TNRC18: variants seen among roughly 807,000 people sequenced by gnomAD.
The protein encoded by TNRC18 is trinucleotide repeat containing 18.
A neutral mutation model predicts 226.7 loss-of-function variants in TNRC18; 69 were observed. The ratio of observed to expected loss-of-function variants is 0.30; its 90% CI spans 0.25 to 0.37. The LOEUF (loss-of-function observed/expected upper bound fraction) is 0.37, where lower values mean the gene tolerates loss of function less well. TNRC18 is among the 10% of genes least tolerant of loss of function. The pLI is 1.00. For missense variants in TNRC18, 4,754 were observed against 4,256.6 expected (o/e 1.12, Z -3.25); for synonymous variants, 2,449 against 1,927.6 (o/e 1.27, Z -7.09).
In TNRC18 at chr7:5,324,871, T is replaced by G. The variant is rs1402294289; in HGVS notation, c.6300+225A>C. On this transcript the variant is annotated intron_variant, in intron 20 of 29. Coordinates refer to ENST00000430969, the MANE Select transcript of TNRC18 (RefSeq NM_001080495.3). The surrounding 1 kb of genome is among the most constrained non-coding windows in gnomAD (Gnocchi z 4.8). ...CTCCTGGTCTCTGTTCCAGTGTCCC[T>G]CGCCCCCGCTAGAGCAGACATTTCC... is the stretch of plus-strand genomic sequence containing the variant. Among the ~76,000 whole-genome samples, 3 of 152,140 alleles carry G rather than the reference T, an allele frequency of 2.0e-5. No individual in the cohort carries two copies. Among genetic ancestry groups the G allele is most frequent in the Admixed American group, 6.5e-5 (1 of 15,272 alleles).
chr7:5,375,370 C>T (rs904991388), intron 9 of TNRC18, among the ~76,000 whole-genome samples: 13 of 152,182 alleles, frequency 8.5e-5, no homozygotes, highest in South Asian at 2.1e-4. Context: ...AAGGACAGGC[C>T]GCTCTCCCGA....
At chr7:5,347,090 C>T (rs10258579) in intron 17 of TNRC18, among the ~76,000 whole-genome samples, 69,401 of 151,782 alleles carry the variant, frequency 0.46, 16,450 homozygotes, top group East Asian at 0.69. Context: ...CTCCTGTAAT[C>T]CCAGCCCTCT....
Position 5,421,369 on chromosome 7 carries a change from T to A in TNRC18, c.-123A>T. On this transcript the variant is annotated 5_prime_UTR_variant, in exon 2 of 30. The change abolishes an upstream ATG in the 5' untranslated region. Transcript: ENST00000430969. Reference sequence around the variant, plus strand: ...GGCGGCGGGGGCTCCGCGGCGTGCATGGCGGCGGCCAGCGGGGCTTGCGCT... The same window carrying A: ...GGCGGCGGGGGCTCCGCGGCGTGCAAGGCGGCGGCCAGCGGGGCTTGCGCT... 1 of 955,116 alleles carries A rather than the reference T, an allele frequency of 1.0e-6. No homozygotes were observed. Among genetic ancestry groups the A allele is most frequent in the Non-Finnish European group, 1.3e-6 (1 of 748,206 alleles). 59.2% of individuals were successfully genotyped at this position (955,116 alleles called of 1,614,324 possible). A position where few individuals can be genotyped will look rare whatever the true frequency, so the allele number is the denominator to read the frequency against.
chr7:5,410,860 CA>C (rs34320785), intron 2 of TNRC18, among the ~76,000 whole-genome samples: 1,923 of 37,154 alleles, frequency 0.052, 4 homozygotes, highest in African/African-American at 0.087. Context: ...GACTCCATCT[CA>C]AAAAAAAAAA....
chr7:5,395,182 G>A (rs1207491610), intron 2 of TNRC18, among the ~76,000 whole-genome samples: 2 of 152,198 alleles, frequency 1.3e-5, no homozygotes, highest in Non-Finnish European at 2.9e-5. Context: ...CAGAAAGCAG[G>A]GACTCAGAAT....
Position 5,308,229 on chromosome 7 carries a change from C to T in TNRC18, c.8784G>A (p.Gln2928=), listed in dbSNP as rs202187831. Residue 2928 remains glutamine, a synonymous_variant, in exon 30 of 30, where the codon CAG becomes CAA. Coordinates refer to ENST00000430969, the MANE Select transcript of TNRC18 (RefSeq NM_001080495.3). ...SHKCLVVGLE[Q]YEQMLKTKKY... ...TCTTGGTCTTCAGCATCTGCTCATA[C>T]TGCTCCAGGCCCACCACCAGGCACT... The T allele has an allele frequency of 2.0e-5, 33 of 1,612,530 alleles. No individual in the cohort carries two copies. The highest frequency in any genetic ancestry group is 1.8e-4 in the South Asian group (16 of 90,792).
intron 11 of TNRC18, among the ~76,000 whole-genome samples, chr7:5,368,810 T>C (rs887153145): frequency 6.6e-6 from 1 of 152,116 alleles, no homozygotes; most frequent in Non-Finnish European, 1.5e-5. Flanking sequence ...AGGGATATCA[T>C]CTCTTCAACG....
chr7:5,319,593 C>G (rs1788152257), intron 24 of TNRC18, among the ~76,000 whole-genome samples: 1 of 152,186 alleles, frequency 6.6e-6, no homozygotes, highest in Non-Finnish European at 1.5e-5. Flanking sequence ...ACTGCAACCT[C>G]CACTTCCCAG....
At chr7:5,357,691 G>A (rs1329641587) in intron 15 of TNRC18, among the ~76,000 whole-genome samples, 1 of 152,108 alleles carries the variant, frequency 6.6e-6, no homozygotes, top group Non-Finnish European at 1.5e-5. Flanking sequence ...GTTTCATCAT[G>A]TTGCCCAGGC....
intron 2 of TNRC18, among the ~76,000 whole-genome samples, chr7:5,408,896 C>A (rs564201251): frequency 6.6e-6 from 1 of 152,274 alleles, no homozygotes. Flanking sequence ...AAAGATGGAA[C>A]CACTGAGGGT....
chr7:5,345,642 G>A lies in TNRC18; in HGVS notation c.5639C>T (p.Thr1880Met), dbSNP rs781383169. The change falls in exon 18 of 30, where the codon ACG (threonine) becomes ATG (methionine). Residue 1880 changes from threonine (T) to methionine (M), a missense_variant. Transcript: ENST00000430969. ...TACCACAGACAGGGATGGACCCACC[G>A]TGGGGCTGGGGAGGGCGCTGGCGGC... Reference protein sequence around the residue: ...RFAASALPSPTVGPSLSVVQL... With the variant: ...RFAASALPSPMVGPSLSVVQL... 40 of 1,556,826 alleles carry A rather than the reference G, an allele frequency of 2.6e-5. No homozygotes were observed. Among genetic ancestry groups the A allele is most frequent in the African/African-American group, 2.0e-4 (15 of 73,248 alleles).
intron 18 of TNRC18, among the ~76,000 whole-genome samples, chr7:5,339,719 G>A (rs1335149400): frequency 2.6e-5 from 4 of 151,616 alleles, no homozygotes; most frequent in Non-Finnish European, 4.4e-5. Context: ...ACAGGCGCCC[G>A]CCACCACATC....
intron 17 of TNRC18, 119 bp from the exon 18 acceptor site, chr7:5,345,929 G>A (rs1433253400): frequency 2.9e-6 from 4 of 1,364,662 alleles, no homozygotes; most frequent in East Asian, 2.5e-5. Context: ...TCCTGAGCAG[G>A]GGGCCGCTGG....
chr7:5,351,846 C>A lies in TNRC18; in HGVS notation c.5443G>T (p.Asp1815Tyr). Reference sequence around the variant, plus strand: ...TGGTCAAACGATTCCTCCGAAGAGTCGCTGAAGGAGGAACGCGCCTCGGCC... The same window carrying A: ...TGGTCAAACGATTCCTCCGAAGAGTAGCTGAAGGAGGAACGCGCCTCGGCC... ...REAEARSSFS[D>Y]SSEESFDQDE... The change falls in exon 17 of 30, where the codon GAC becomes TAC. Residue 1815 changes from aspartate to tyrosine, a missense_variant. Coordinates refer to ENST00000430969, the MANE Select transcript of TNRC18 (RefSeq NM_001080495.3). 1 of 1,603,720 alleles carries A rather than the reference C, an allele frequency of 6.2e-7. No individual in the cohort carries two copies. Among genetic ancestry groups the A allele is most frequent in the Non-Finnish European group, 8.5e-7 (1 of 1,175,836 alleles).
chr7:5,362,898 C>G, intron 11 of TNRC18, 73 bp from the exon 12 acceptor site: 1 of 1,415,152 alleles, frequency 7.1e-7, no homozygotes, highest in Non-Finnish European at 9.3e-7. Flanking sequence ...TGCCGAGGCC[C>G]AAAGCAAGCG....
At chr7:5,347,696 C>T (rs1791348706) in intron 17 of TNRC18, among the ~76,000 whole-genome samples, 1 of 151,052 alleles carries the variant, frequency 6.6e-6, no homozygotes, top group Admixed American at 6.6e-5. Flanking sequence ...GTGGCTCACG[C>T]CTGTAATCCC....
At chr7:5,317,841 G>A (rs1000539059) in intron 24 of TNRC18, among the ~76,000 whole-genome samples, 8 of 151,770 alleles carry the variant, frequency 5.3e-5, no homozygotes, top group African/African-American at 1.9e-4. Flanking sequence ...AAGTAGCTAG[G>A]ACAACAGGTG....
Position 5,371,237 on chromosome 7 carries a change from A to G in TNRC18, c.3357T>C (p.Asp1119=). ...GLAPDVPLPA[D]GPERLALSPE... is the part of the protein sequence containing the mutation. Reference sequence around the variant, plus strand: ...GTGAGAGTGCCAGGCGCTCGGGCCCATCAGCCGGGAGCGGCACATCAGGGG... The same window carrying G: ...GTGAGAGTGCCAGGCGCTCGGGCCCGTCAGCCGGGAGCGGCACATCAGGGG... Residue 1119 remains aspartate (D), a synonymous_variant, in exon 11 of 30, where the codon GAT becomes GAC. Transcript: ENST00000430969. 1.2e-6 allele frequency: 2 copies of G among 1,604,802 alleles called. No individual in the cohort carries two copies. Among genetic ancestry groups the G allele is most frequent in the Non-Finnish European group, 1.7e-6 (2 of 1,174,792 alleles).
In TNRC18 at chr7:5,324,467, T is replaced by C. The variant is rs1562493254; in HGVS notation, c.6301-112A>G. 1 of 1,417,764 alleles carries C rather than the reference T, an allele frequency of 7.1e-7. No individual in the cohort carries two copies. The highest frequency in any genetic ancestry group is 1.4e-5 in the African/African-American group (1 of 70,988). 87.8% of individuals were successfully genotyped at this position (1,417,764 alleles called of 1,614,324 possible). A position where few individuals can be genotyped will look rare whatever the true frequency, so the allele number is the denominator to read the frequency against. On this transcript the variant is annotated intron_variant, in intron 20 of 29. Coordinates refer to ENST00000430969, the MANE Select transcript of TNRC18 (RefSeq NM_001080495.3). The surrounding 1 kb of genome is among the most constrained non-coding windows in gnomAD (Gnocchi z 4.8). ...ACAGTCAGGCCGCAGGGGGAATCTG[T>C]CATGTGCATGGCAGGGATCCCAGTT...
Sources: gnomAD v4.1 joint callset for allele counts (sites outside exome capture counted in the v4.1 genomes callset) on GRCh38, gnomAD v4.1.1 for gene constraint, Gnocchi (gnomAD v3.1) non-coding constraint, MANE v1.5 for transcripts, NCBI Gene and HGNC (gene_info 2026-07-23, HGNC 2026-07-21) for gene names.